The following GDA variants were observed in gnomAD, a reference collection of about 807,000 sequenced individuals.
GDA encodes cytoplasmic PSD-95 interactor.
GDA carries 18 observed loss-of-function variants against 59.6 expected under a neutral mutation model. The ratio of observed to expected loss-of-function variants is 0.30; its 90% CI spans 0.21 to 0.45. The LOEUF (loss-of-function observed/expected upper bound fraction) is 0.45. GDA is among the 20% of genes least tolerant of loss of function. The pLI is 1.00. For missense variants in GDA, 427 were observed against 552.3 expected, an observed-to-expected ratio of 0.77 and a Z score of 2.27; for synonymous variants, 201 against 201.1, an observed-to-expected ratio of 1.00 and a Z score of 0.00.
rs1349201777 is a variant in GDA at position 72,250,508 on chromosome 9, A to T, written c.*2166A>T. 1.4e-6 allele frequency: 2 copies of T among 1,385,962 alleles called. No homozygotes were observed. The highest frequency in any genetic ancestry group is 1.9e-6 in the Non-Finnish European group (2 of 1,070,218). The allele number at this position is 1,385,962 out of a possible 1,614,324, so 85.9% of individuals were successfully genotyped here. On this transcript the variant is annotated 3_prime_UTR_variant, in exon 14 of 14. Coordinates refer to ENST00000358399, the MANE Select transcript of GDA (RefSeq NM_004293.5). ...AGGATGTGTTGAAATATTTATATGT[A>T]CTTTGATCTCTCCACATCACTTATA...
At chr9:72,128,171 C>T (rs1825909205) in intron 1 of GDA, among the ~76,000 whole-genome samples, 1 of 152,068 alleles carries the variant, frequency 6.6e-6, no homozygotes, top group South Asian at 2.1e-4. Context: ...AAAAAGTAAA[C>T]ATTAAATTAG....
At chr9:72,202,456 C>A (rs370765253) in intron 2 of GDA, 115 bp from the exon 3 acceptor site, 1 of 670,848 alleles carries the variant, frequency 1.5e-6, no homozygotes, top group Non-Finnish European at 2.6e-6. Flanking sequence ...ATTGCATTAC[C>A]TATAAACCTG....
intron 7 of GDA, among the ~76,000 whole-genome samples, chr9:72,224,837 G>A (rs1837359198): frequency 6.8e-6 from 1 of 146,762 alleles, no homozygotes; most frequent in Admixed American, 6.8e-5. Flanking sequence ...TGAAAGATGG[G>A]AAAATTGCTG....
rs141888116 is a variant in GDA, at chr9:72,119,247, G to C, written c.-100+4414G>C. Among the ~76,000 whole-genome samples, 903 of 152,292 alleles carry C rather than the reference G, an allele frequency of 5.9e-3. 12 individuals are homozygous for C. Among genetic ancestry groups the C allele is most frequent in the African/African-American group, 0.02 (847 of 41,560 alleles). ...GGGCCAGGCGCAGCGGCTCACACCTGCAATCCCAGCACTTCAGGAGGCCGA... is the reference window on the plus strand; with the variant it reads ...GGGCCAGGCGCAGCGGCTCACACCTCCAATCCCAGCACTTCAGGAGGCCGA... On this transcript the variant is annotated intron_variant, in intron 1 of 13. Coordinates refer to the GDA transcript ENST00000545168.
intron 1 of GDA, among the ~76,000 whole-genome samples, chr9:72,133,308 A>AAAAAAAAT (rs767205305): frequency 3.9e-5 from 4 of 101,560 alleles, no homozygotes; most frequent in East Asian, 2.5e-4. Context: ...AAAAAAAAAA[A>AAAAAAAAT]AATAATAATA....
intron 7 of GDA, among the ~76,000 whole-genome samples, chr9:72,225,366 G>A (rs566249101): frequency 6.6e-5 from 10 of 152,234 alleles, no homozygotes; most frequent in East Asian, 3.9e-4. Flanking sequence ...TGTTCCAGCT[G>A]GAGGTCAGAA....
At chr9:72,168,894 G>A (rs937188591) in intron 1 of GDA, among the ~76,000 whole-genome samples, 1 of 152,112 alleles carries the variant, frequency 6.6e-6, no homozygotes, top group East Asian at 1.9e-4. Flanking sequence ...AATCCACATG[G>A]TCTGACTTTA....
intron 4 of GDA, 72 bp from the exon 5 acceptor site, chr9:72,213,814 A>AAAAAAG: frequency 1.1e-6 from 1 of 922,206 alleles, no homozygotes; most frequent in Non-Finnish European, 1.7e-6. Flanking sequence ...AAAAAAAAAA[A>AAAAAAG]AAAAAGAAAA....
chr9:72,250,490 G>A lies in GDA; in HGVS notation c.*2148G>A, dbSNP rs1840575304. 2.2e-6 allele frequency: 3 copies of A among 1,353,838 alleles called. No individual in the cohort carries two copies. The highest frequency in any genetic ancestry group is 2.9e-6 in the Non-Finnish European group (3 of 1,052,174). 83.9% of individuals were successfully genotyped at this position (1,353,838 alleles called of 1,614,324 possible). ...ATCTTTCCTAGTAAAAATAGGATGTGTTGAAATATTTATATGTACTTTGAT... is the reference window on the plus strand; with the variant it reads ...ATCTTTCCTAGTAAAAATAGGATGTATTGAAATATTTATATGTACTTTGAT... On this transcript the variant is annotated 3_prime_UTR_variant, in exon 14 of 14. Coordinates refer to ENST00000358399, the MANE Select transcript of GDA (RefSeq NM_004293.5).
chr9:72,190,423 C>T (rs960329917), intron 1 of GDA, among the ~76,000 whole-genome samples: 2 of 152,210 alleles, frequency 1.3e-5, no homozygotes, highest in Middle Eastern at 3.4e-3. Flanking sequence ...CACTTCACCC[C>T]GCCATGTTTT....
chr9:72,179,271 A>G (rs1830892505), intron 1 of GDA, among the ~76,000 whole-genome samples: 1 of 152,198 alleles, frequency 6.6e-6, no homozygotes, highest in Admixed American at 6.5e-5. Flanking sequence ...CACTCTGGTT[A>G]CCCTACCAAA....
At chr9:72,241,036 C>A in intron 10 of GDA, 116 bp from the exon 11 acceptor site, 1 of 631,384 alleles carries the variant, frequency 1.6e-6, no homozygotes, top group Non-Finnish European at 2.5e-6. Context: ...TAGTTAAGAG[C>A]TTTTTAAAAA....
At chr9:72,153,972 A>AT (rs1467197257) in intron 1 of GDA, among the ~76,000 whole-genome samples, 1 of 148,094 alleles carries the variant, frequency 6.8e-6, no homozygotes, top group African/African-American at 2.5e-5. Context: ...ATAAAAAAAA[A>AT]ATATAGACTC....
rs1324992394 is a variant in GDA, at chr9:72,249,493, G to C, written c.*1151G>C. On this transcript the variant is annotated 3_prime_UTR_variant, in exon 14 of 14. Coordinates refer to ENST00000358399, the MANE Select transcript of GDA (RefSeq NM_004293.5). ...TAATGTTTAGGATATTAAAATTTTA[G>C]GATAATGAAGAGTACATAATGTCCT... 4.4e-6 allele frequency: 3 copies of C among 678,582 alleles called. No individual in the cohort carries two copies. Among genetic ancestry groups the C allele is most frequent in the Non-Finnish European group, 5.5e-6 (3 of 550,334 alleles). The allele number at this position is 678,582 out of a possible 1,614,324, so 42.0% of individuals were successfully genotyped here.
intron 1 of GDA, among the ~76,000 whole-genome samples, chr9:72,185,083 TATAGCC>T (rs1229376665): frequency 6.6e-6 from 1 of 152,218 alleles, no homozygotes; most frequent in African/African-American, 2.4e-5. Context: ...TATATTGGAA[TATAGCC>T]ATAGCCATTT....
intron 5 of GDA, among the ~76,000 whole-genome samples, chr9:72,214,586 G>A (rs989004629): frequency 2.0e-5 from 3 of 151,946 alleles, no homozygotes; most frequent in Non-Finnish European, 2.9e-5. Flanking sequence ...GAGCCACCAC[G>A]CCCAGCCCAC....
intron 9 of GDA, among the ~76,000 whole-genome samples, chr9:72,229,609 C>A (rs937427647): frequency 2.0e-5 from 3 of 152,128 alleles, no homozygotes; most frequent in Admixed American, 1.3e-4. Context: ...GGCTCCTGGG[C>A]AGAGTGGAGA....
At position 72,213,878 on chromosome 9, in the gene GDA, C is replaced by G; in HGVS notation, c.473-8C>G. ...TGCCTTCATATTCTTTTTGTGTATA[C>G]TTTACAGATAAATTTGGACAGCGGG... On this transcript the variant is annotated splice_polypyrimidine_tract_variant and splice_region_variant and intron_variant, in intron 4 of 13. Transcript: ENST00000358399. 1 of 1,482,216 alleles carries G rather than the reference C, an allele frequency of 6.7e-7. No individual in the cohort carries two copies. Among genetic ancestry groups the G allele is most frequent in the East Asian group, 2.3e-5 (1 of 44,078 alleles). 91.8% of individuals were successfully genotyped at this position (1,482,216 alleles called of 1,614,324 possible).
At chr9:72,209,130 G>T (rs185052267) in intron 3 of GDA, among the ~76,000 whole-genome samples, 1 of 148,914 alleles carries the variant, frequency 6.7e-6, no homozygotes, top group African/African-American at 2.5e-5. Flanking sequence ...CATCTTTTCT[G>T]TACTTACGAA....
Sources: gnomAD v4.1 joint callset for allele counts (sites outside exome capture counted in the v4.1 genomes callset) on GRCh38, gnomAD v4.1.1 for gene constraint, MANE v1.5 for transcripts, NCBI Gene and HGNC (gene_info 2026-07-23, HGNC 2026-07-21) for gene names.